The following DOCK2 variants were observed in gnomAD, a reference collection of about 807,000 sequenced individuals.
DOCK2 encodes dedicator of cytokinesis 2.
A neutral mutation model predicts 248.9 loss-of-function variants in DOCK2; 87 were observed. The observed-to-expected ratio is 0.35, with a 90% CI of 0.29 to 0.42. The LOEUF is 0.42. Ranked by LOEUF, DOCK2 falls within the 10% of genes least tolerant of loss-of-function variation. The pLI is 1.00. For synonymous variants in DOCK2, 805 were observed against 821.6 expected (o/e 0.98, Z 0.35); for missense variants, 1,747 against 2,300.2 (o/e 0.76, Z 4.92).
intron 30 of DOCK2, among the ~76,000 whole-genome samples, chr5:169,998,350 A>T (rs1235561539): frequency 6.6e-6 from 1 of 152,234 alleles, no homozygotes; most frequent in Admixed American, 6.5e-5. Context: ...CCCTTCTGAG[A>T]GCACCAGCCT....
chr5:169,732,176 A>G (rs887574975), intron 22 of DOCK2, among the ~76,000 whole-genome samples: 4 of 152,286 alleles, frequency 2.6e-5, no homozygotes, highest in East Asian at 3.9e-4. Context: ...TGATAATACT[A>G]TCATGCTAAT....
At chr5:169,756,374 G>T (rs145946608) in intron 23 of DOCK2, among the ~76,000 whole-genome samples, 127 of 152,334 alleles carry the variant, frequency 8.3e-4, no homozygotes, top group African/African-American at 3.0e-3. Flanking sequence ...CCCCACAGGG[G>T]TTTGTTTCTG....
At chr5:169,900,644 A>G (rs1773872148) in intron 27 of DOCK2, among the ~76,000 whole-genome samples, 1 of 152,226 alleles carries the variant, frequency 6.6e-6, no homozygotes, top group Non-Finnish European at 1.5e-5. Context: ...TCTAATTAGA[A>G]GCTTCGATTA....
intron 44 of DOCK2, among the ~76,000 whole-genome samples, chr5:170,065,907 C>G (rs879883703): frequency 1.3e-5 from 2 of 151,250 alleles, no homozygotes; most frequent in Non-Finnish European, 2.9e-5. Context: ...CACTCATAGA[C>G]TGAAAGTGAA....
chr5:170,016,933 G>A (rs1300202531), intron 32 of DOCK2, among the ~76,000 whole-genome samples: 1 of 152,144 alleles, frequency 6.6e-6, no homozygotes, highest in Non-Finnish European at 1.5e-5. Flanking sequence ...TTGGGCCAAA[G>A]CAAAGACTCT....
At chr5:169,791,603 T>C (rs1321482090) in intron 25 of DOCK2, among the ~76,000 whole-genome samples, 7 of 152,152 alleles carry the variant, frequency 4.6e-5, no homozygotes, top group South Asian at 2.1e-4. Context: ...AATCTAGAAA[T>C]TGGTAATAAT....
chr5:169,832,930 C>T (rs1332852632), intron 26 of DOCK2, among the ~76,000 whole-genome samples: 1 of 152,068 alleles, frequency 6.6e-6, no homozygotes, highest in Non-Finnish European at 1.5e-5. Flanking sequence ...ACTGAAAAGG[C>T]CTAAAGACAA....
chr5:169,809,401 C>A (rs1294265489), intron 26 of DOCK2, among the ~76,000 whole-genome samples: 2 of 152,188 alleles, frequency 1.3e-5, no homozygotes, highest in East Asian at 3.9e-4. Context: ...TCTTTCTCTG[C>A]AGGTAGAATC....
At chr5:169,745,956 G>T (rs1561657874) in intron 22 of DOCK2, among the ~76,000 whole-genome samples, 1 of 152,058 alleles carries the variant, frequency 6.6e-6, no homozygotes, top group Non-Finnish European at 1.5e-5. Context: ...AGAATGAGGA[G>T]CCCTAGGCAC....
chr5:170,024,498 A>T (rs1418327616), intron 33 of DOCK2, among the ~76,000 whole-genome samples: 2 of 151,474 alleles, frequency 1.3e-5, no homozygotes, highest in Non-Finnish European at 2.9e-5. Flanking sequence ...TGAGAGTATG[A>T]TGCCTATGAT....
chr5:169,930,039 G>A (rs1221793321), intron 27 of DOCK2, among the ~76,000 whole-genome samples: 1 of 152,102 alleles, frequency 6.6e-6, no homozygotes, highest in East Asian at 1.9e-4. Flanking sequence ...TCACCAGGCT[G>A]GAGTGCAGTG....
At chr5:170,080,835 TG>T (rs952385381) in intron 50 of DOCK2, 5 of 155,156 alleles carry the variant, frequency 3.2e-5, no homozygotes, top group African/African-American at 1.2e-4. Flanking sequence ...GGACATGGCA[TG>T]CCTGAGAGCA....
At chr5:169,935,693 A>G (rs776584859) in intron 27 of DOCK2, among the ~76,000 whole-genome samples, 6 of 152,150 alleles carry the variant, frequency 3.9e-5, no homozygotes, top group Non-Finnish European at 5.9e-5. Flanking sequence ...TCACTGTGCT[A>G]TTTTGCTTAG....
chr5:170,049,280 A>G (rs1756828522), intron 40 of DOCK2, among the ~76,000 whole-genome samples: 1 of 152,002 alleles, frequency 6.6e-6, no homozygotes, highest in Non-Finnish European at 1.5e-5. Flanking sequence ...ACGCCCAGCT[A>G]ATTTTTGTAT....
At chr5:170,002,816 C>G (rs1754886798) in intron 30 of DOCK2, among the ~76,000 whole-genome samples, 1 of 152,170 alleles carries the variant, frequency 6.6e-6, no homozygotes, top group South Asian at 2.1e-4. Context: ...ATCACCTCAT[C>G]TCTTCCCCAG....
At chr5:169,702,972 G>A (rs1382629029) in intron 14 of DOCK2, among the ~76,000 whole-genome samples, 1 of 152,138 alleles carries the variant, frequency 6.6e-6, no homozygotes, top group Non-Finnish European at 1.5e-5. Flanking sequence ...GGTGTATTCA[G>A]GAATGCAAAG....
rs143072637 is a variant in DOCK2, at chr5:169,756,588, A to G, written c.2377-3117A>G. ...GAGAGCTCAGGGCCCTGAGGGCTGT[A>G]TGTTCTTTGGCCTAAGAGTGGATGA... is the stretch of plus-strand genomic sequence containing the variant. On this transcript the variant is annotated intron_variant, in intron 23 of 51. Coordinates refer to ENST00000520908, the MANE Select transcript of DOCK2 (RefSeq NM_004946.3). Among the ~76,000 whole-genome samples the G allele has an allele frequency of 1.7e-3, 265 of 152,150 alleles. 3 individuals carry two copies. Among genetic ancestry groups the G allele is most frequent in the African/African-American group, 5.9e-3 (246 of 41,520 alleles).
intron 27 of DOCK2, among the ~76,000 whole-genome samples, chr5:169,872,930 G>A (rs947705855): frequency 6.6e-6 from 1 of 152,218 alleles, no homozygotes; most frequent in Non-Finnish European, 1.5e-5. Flanking sequence ...GACATATAGT[G>A]TTGGGCAAAA....
chr5:169,942,534 A>G (rs755531374), intron 27 of DOCK2, among the ~76,000 whole-genome samples: 2 of 152,368 alleles, frequency 1.3e-5, no homozygotes, highest in East Asian at 1.9e-4. Flanking sequence ...ATCTATTTCC[A>G]TATTTTACAG....
Sources: allele counts gnomAD v4.1 joint callset (sites outside exome capture counted in the v4.1 genomes callset), GRCh38; gene constraint gnomAD v4.1.1; transcripts MANE v1.5; gene names NCBI Gene and HGNC (gene_info 2026-07-23, HGNC 2026-07-21).